Variants in DLC1 observed in about 807,000 individuals in gnomAD.
DLC1 encodes DLC1 Rho GTPase activating protein.
Under a neutral mutation model 140.3 loss-of-function variants are expected in DLC1, and 54 were observed. The ratio of observed to expected loss-of-function variants is 0.38; its 90% CI spans 0.31 to 0.48. DLC1 has a LOEUF of 0.48. Ranked by LOEUF, DLC1 falls within the 20% of genes least tolerant of loss-of-function variation. DLC1 has a pLI of 0.96. For synonymous variants in DLC1, 986 were observed against 728.1 expected (o/e 1.35, Z -5.70); for missense variants, 2,536 against 1,907.0 (o/e 1.33, Z -6.14).
chr8:13,159,931 G>A (rs375813146), intron 5 of DLC1, among the ~76,000 whole-genome samples: 2 of 151,716 alleles, frequency 1.3e-5, no homozygotes, highest in Non-Finnish European at 1.5e-5. Context: ...AGGCTGAGGC[G>A]GGCAGATGAC....
At chr8:13,601,696 G>C (rs1483644929) in intron 1 of DLC1, among the ~76,000 whole-genome samples, 1 of 150,250 alleles carries the variant, frequency 6.7e-6, no homozygotes, top group Non-Finnish European at 1.5e-5. Context: ...GAAAACAGAA[G>C]AAAGGGGTTG....
At chr8:13,117,481 T>C (rs930491249) in intron 5 of DLC1, among the ~76,000 whole-genome samples, 3 of 147,348 alleles carry the variant, frequency 2.0e-5, no homozygotes, top group Non-Finnish European at 3.0e-5. Flanking sequence ...CTGTAACCGC[T>C]AAAAAAAAAA....
At chr8:13,146,181 A>C (rs1350919179) in intron 5 of DLC1, among the ~76,000 whole-genome samples, 1 of 151,936 alleles carries the variant, frequency 6.6e-6, no homozygotes, top group Non-Finnish European at 1.5e-5. Context: ...AGGCTGAGGC[A>C]GGAGAATCAC....
chr8:13,213,018 T>C (rs1411425554), intron 5 of DLC1, among the ~76,000 whole-genome samples: 7 of 152,066 alleles, frequency 4.6e-5, no homozygotes, highest in African/African-American at 1.7e-4. Context: ...AATCCTCACA[T>C]TTCAAAAAGA....
At chr8:13,507,539 T>G (rs564090827) in intron 1 of DLC1, among the ~76,000 whole-genome samples, 5 of 152,318 alleles carry the variant, frequency 3.3e-5, no homozygotes, top group African/African-American at 1.2e-4. Flanking sequence ...TACCTCCATA[T>G]GATTTCATGC....
intron 2 of DLC1, among the ~76,000 whole-genome samples, chr8:13,488,817 A>AAC (rs1309555985): frequency 6.6e-6 from 1 of 152,250 alleles, no homozygotes; most frequent in African/African-American, 2.4e-5. Context: ...CTAATGTGTA[A>AAC]ACACCTTTAG....
Position 13,100,139 on chromosome 8 carries a change from C to A in DLC1, c.2198G>T (p.Ser733Ile), listed in dbSNP as rs761814712. The A allele has an allele frequency of 2.4e-5, 38 of 1,614,054 alleles. 1 individual carries two copies. The South Asian group carries it at 4.1e-4, about 17-fold the overall frequency. ...RINVPMVRKR[S>I]VSNSTQTSSS... is the part of the protein sequence containing the mutation. The stretch of plus-strand genomic sequence containing the variant: ...GCTGGTCTGCGTGGAGTTGGAAACG[C>A]TCCTCTTTCGTACCATGGGGACGTT... Residue 733 changes from serine to isoleucine, a missense_variant, in exon 9 of 18, where the codon AGC (serine) becomes ATC (isoleucine). Transcript: ENST00000276297.
intron 2 of DLC1, among the ~76,000 whole-genome samples, chr8:13,458,513 A>C (rs1231804749): frequency 6.6e-6 from 1 of 152,144 alleles, no homozygotes; most frequent in African/African-American, 2.4e-5. Flanking sequence ...TGTTATTTGA[A>C]ATGCTAAGTT....
At chr8:13,149,878 C>T (rs1823684930) in intron 5 of DLC1, among the ~76,000 whole-genome samples, 1 of 152,264 alleles carries the variant, frequency 6.6e-6, no homozygotes, top group East Asian at 1.9e-4. Flanking sequence ...TTGGGGAATA[C>T]TTGCCTAAAT....
chr8:13,418,802 G>A (rs1369911304), intron 2 of DLC1, among the ~76,000 whole-genome samples: 1 of 152,066 alleles, frequency 6.6e-6, no homozygotes, highest in Non-Finnish European at 1.5e-5. Flanking sequence ...AATTACCTTG[G>A]GCAGTGTGGC....
At chr8:13,433,782 C>T (rs527677253) in intron 2 of DLC1, among the ~76,000 whole-genome samples, 1 of 152,266 alleles carries the variant, frequency 6.6e-6, no homozygotes, top group East Asian at 1.9e-4. Flanking sequence ...TTTCCAAATA[C>T]ACTGTGTTCA....
At chr8:13,571,927 G>A (rs999147454) in intron 1 of DLC1, among the ~76,000 whole-genome samples, 3 of 151,984 alleles carry the variant, frequency 2.0e-5, no homozygotes, top group Admixed American at 6.6e-5. Context: ...GCATCTCATT[G>A]TACTTTGACT....
intron 1 of DLC1, among the ~76,000 whole-genome samples, chr8:13,589,878 C>G (rs549365248): frequency 6.6e-6 from 1 of 151,106 alleles, no homozygotes; most frequent in East Asian, 1.9e-4. Flanking sequence ...TATGTATAAA[C>G]CTAGTGTTTT....
At chr8:13,575,949 C>T (rs1213236760) in intron 1 of DLC1, among the ~76,000 whole-genome samples, 1 of 152,146 alleles carries the variant, frequency 6.6e-6, no homozygotes, top group Non-Finnish European at 1.5e-5. Context: ...CAGTTATTTT[C>T]CTCAAAGGAG....
At chr8:13,518,981 A>T (rs1009858795), upstream of DLC1, among the ~76,000 whole-genome samples, 2 of 151,968 alleles carry the variant, frequency 1.3e-5, no homozygotes, top group Admixed American at 1.3e-4. Context: ...ATTATCAAGA[A>T]TTTTTTTATT....
intron 1 of DLC1, among the ~76,000 whole-genome samples, chr8:13,547,571 C>G (rs536804327): frequency 2.6e-5 from 4 of 152,008 alleles, no homozygotes; most frequent in Admixed American, 6.6e-5. Flanking sequence ...TGCTATTGCT[C>G]TCAATGTTAT....
intron 1 of DLC1, among the ~76,000 whole-genome samples, chr8:13,541,140 C>G (rs1190666332): frequency 2.6e-5 from 4 of 152,142 alleles, no homozygotes; most frequent in Non-Finnish European, 4.4e-5. Flanking sequence ...GTTGTTCAGA[C>G]TTTTTATTGC....
At chr8:13,381,211 T>A (rs1430281621) in intron 4 of DLC1, among the ~76,000 whole-genome samples, 2 of 152,200 alleles carry the variant, frequency 1.3e-5, no homozygotes, top group Non-Finnish European at 2.9e-5. Flanking sequence ...ACCAGAGATG[T>A]ATCACATGGC....
intron 5 of DLC1, among the ~76,000 whole-genome samples, chr8:13,127,194 C>T (rs887144796): frequency 6.6e-6 from 1 of 152,206 alleles, no homozygotes; most frequent in Non-Finnish European, 1.5e-5. Context: ...CCTAAATGAA[C>T]ACTAATGAAT....
Sources: gnomAD v4.1 joint callset for allele counts (sites outside exome capture counted in the v4.1 genomes callset) on GRCh38, gnomAD v4.1.1 for gene constraint, MANE v1.5 for transcripts, NCBI Gene and HGNC (gene_info 2026-07-23, HGNC 2026-07-21) for gene names.